Variants in ADARB1 observed in about 807,000 individuals in gnomAD.
The protein encoded by ADARB1 is double-stranded RNA-specific editase 1.
In ADARB1, 10 loss-of-function variants were observed where a neutral mutation model predicts 52.4. The observed-to-expected ratio is 0.19, with a 90% CI of 0.12 to 0.32. The LOEUF (loss-of-function observed/expected upper bound fraction) is 0.32. ADARB1 is among the 10% of genes least tolerant of loss of function. ADARB1 has a pLI of 1.00. For synonymous variants in ADARB1, 349 were observed against 371.1 expected (o/e 0.94, Z 0.68); for missense variants, 643 against 922.3 (o/e 0.70, Z 3.92).
chr21:45,197,415 G>A (rs894001527), intron 8 of ADARB1, among the ~76,000 whole-genome samples: 4 of 151,188 alleles, frequency 2.6e-5, no homozygotes, highest in South Asian at 2.1e-4. Flanking sequence ...CAGGAGTATC[G>A]CTTAAACCTG....
At chr21:45,088,911 G>A (rs970588429) in intron 1 of ADARB1, among the ~76,000 whole-genome samples, 3 of 152,126 alleles carry the variant, frequency 2.0e-5, no homozygotes, top group African/African-American at 4.8e-5. Flanking sequence ...AATGTCAGAC[G>A]CTCCAGTAGA....
rs2093027549 is a variant in ADARB1 at position 45,224,581 on chromosome 21, A to AGCTGGGTTCGGGGAGCCCTGGGTG, written c.*2385_*2386insCTGGGTTCGGGGAGCCCTGGGTGG. ...GAACTGGGTTCGGGGTGCCCTGGGC[A>AGCTGGGTTCGGGGAGCCCTGGGTG]GGGGGCTACTGGGGGGCGGCTGTGA... is the stretch of plus-strand genomic sequence containing the variant. On this transcript the variant is annotated 3_prime_UTR_variant, in exon 11 of 11. Transcript: ENST00000348831. 1 of 198,338 alleles carries AGCTGGGTTCGGGGAGCCCTGGGTG rather than the reference A, an allele frequency of 5.0e-6. No homozygotes were observed. Among genetic ancestry groups the AGCTGGGTTCGGGGAGCCCTGGGTG allele is most frequent in the Non-Finnish European group, 5.6e-6 (1 of 177,706 alleles). 12.3% of individuals were successfully genotyped at this position (198,338 alleles called of 1,614,324 possible).
chr21:45,153,656 G>A (rs1238937915), intron 2 of ADARB1, among the ~76,000 whole-genome samples: 3 of 152,208 alleles, frequency 2.0e-5, no homozygotes, highest in Non-Finnish European at 4.4e-5. Context: ...ATAGTACCTT[G>A]TAATATAACA....
chr21:45,100,452 C>G (rs2086951630), intron 1 of ADARB1: 1 of 152,274 alleles, frequency 6.6e-6, no homozygotes, highest in African/African-American at 2.4e-5. Flanking sequence ...CTTCCCAGCT[C>G]TACCCAGAAC....
intron 1 of ADARB1, among the ~76,000 whole-genome samples, chr21:45,119,258 T>C (rs989680915): frequency 6.6e-6 from 1 of 152,184 alleles, no homozygotes; most frequent in African/African-American, 2.4e-5. Flanking sequence ...GACTGATTAA[T>C]TTTTAAATTT....
intron 2 of ADARB1, among the ~76,000 whole-genome samples, chr21:45,160,211 A>T (rs1199303569): frequency 6.6e-6 from 1 of 152,178 alleles, no homozygotes; most frequent in Non-Finnish European, 1.5e-5. Context: ...TATCCAGTGG[A>T]CTCAGGGTGC....
At chr21:45,164,980 C>T (rs1389304601) in intron 2 of ADARB1, among the ~76,000 whole-genome samples, 1 of 152,156 alleles carries the variant, frequency 6.6e-6, no homozygotes, top group African/African-American at 2.4e-5. Flanking sequence ...CATTGGTACA[C>T]CTGCTGCCCG....
chr21:45,123,295 ATAAT>A (rs142977005), intron 1 of ADARB1, among the ~76,000 whole-genome samples: 186 of 118,266 alleles, frequency 1.6e-3, no homozygotes, highest in African/African-American at 5.8e-3. Context: ...GTGTGTGTGT[ATAAT>A]TAATTATAAT....
chr21:45,100,073 T>A (rs879450834), intron 1 of ADARB1, among the ~76,000 whole-genome samples: 1 of 152,228 alleles, frequency 6.6e-6, no homozygotes, highest in Non-Finnish European at 1.5e-5. Context: ...TCCAAAACTT[T>A]CCTTTTTCTC....
intron 8 of ADARB1, among the ~76,000 whole-genome samples, chr21:45,189,787 G>T (rs1282899629): frequency 3.3e-5 from 5 of 150,380 alleles, no homozygotes; most frequent in African/African-American, 1.2e-4. Context: ...CTCCTTTCTG[G>T]CTTGCAAGGT....
intron 1 of ADARB1, among the ~76,000 whole-genome samples, chr21:45,119,932 G>T (rs918575253): frequency 6.6e-6 from 1 of 152,228 alleles, no homozygotes; most frequent in Admixed American, 6.5e-5. Flanking sequence ...CATTGGTAAC[G>T]CACGAAATGC....
chr21:45,083,630 A>G (rs1217280556), intron 1 of ADARB1, among the ~76,000 whole-genome samples: 1 of 152,226 alleles, frequency 6.6e-6, no homozygotes, highest in Non-Finnish European at 1.5e-5. Context: ...AGGATTCAGG[A>G]AAAGGCAGCC....
rs1427147446 is a variant in ADARB1 at position 45,176,832 on chromosome 21, G to A, written c.963+168G>A. Among the ~76,000 whole-genome samples, 1 of 152,154 alleles carries A rather than the reference G, an allele frequency of 6.6e-6. No homozygotes were observed. The highest frequency in any genetic ancestry group is 1.5e-5 in the Non-Finnish European group (1 of 68,028). ...GGCTGCTTGATTTCCATGGCCATGTGGCCACTGAGAAGCCGTCTGCATCCT... is the reference window on the plus strand; with the variant it reads ...GGCTGCTTGATTTCCATGGCCATGTAGCCACTGAGAAGCCGTCTGCATCCT... On this transcript the variant is annotated intron_variant, in intron 4 of 10. Transcript: ENST00000348831. The surrounding 1 kb of genome is among the most constrained non-coding windows in gnomAD (Gnocchi z 5.8).
intron 1 of ADARB1, among the ~76,000 whole-genome samples, chr21:45,106,073 T>G (rs952626838): frequency 1.3e-5 from 2 of 152,236 alleles, no homozygotes; most frequent in African/African-American, 4.8e-5. Flanking sequence ...GACTGTTTGC[T>G]TCTCAACCTG....
chr21:45,121,138 G>C (rs116892425), intron 1 of ADARB1, among the ~76,000 whole-genome samples: 3,419 of 152,190 alleles, frequency 0.022, 51 homozygotes, highest in South Asian at 0.044. Context: ...AAACGAGTGG[G>C]GGATGTTCCC....
chr21:45,224,553 G>C lies in ADARB1; in HGVS notation c.*2356G>C. 1.0e-6 allele frequency: 1 copy of C among 995,498 alleles called. No individual in the cohort carries two copies. Among genetic ancestry groups the C allele is most frequent in the Non-Finnish European group, 1.2e-6 (1 of 822,572 alleles). The allele number at this position is 995,498 out of a possible 1,614,324, so 61.7% of individuals were successfully genotyped here. ...GAGCCCTGGGCGGGGCGGCTGTTGG[G>C]GGGAACTGGGTTCGGGGTGCCCTGG... On this transcript the variant is annotated 3_prime_UTR_variant, in exon 11 of 11. Transcript: ENST00000348831.
chr21:45,167,457 T>G (rs2091298029), intron 2 of ADARB1, among the ~76,000 whole-genome samples: 1 of 152,210 alleles, frequency 6.6e-6, no homozygotes, highest in Non-Finnish European at 1.5e-5. Context: ...ATTAATAAAC[T>G]TTTTATTTTG....
chr21:45,090,863 A>G (rs1006074150), intron 1 of ADARB1, among the ~76,000 whole-genome samples: 2 of 152,170 alleles, frequency 1.3e-5, no homozygotes, highest in African/African-American at 2.4e-5. Flanking sequence ...TGGCCACCTC[A>G]TTTGTAGATA....
rs1601757299 is a variant in ADARB1, at chr21:45,172,316, T to C, written c.28+632T>C. On this transcript the variant is annotated intron_variant, in intron 3 of 10. Coordinates refer to ENST00000348831, the MANE Select transcript of ADARB1 (RefSeq NM_001112.4). The surrounding 1 kb of genome is among the most constrained non-coding windows in gnomAD (Gnocchi z 4.4). Reference sequence around the variant, plus strand: ...TTCAGTCCCAGAAAACAGGTTTAGATGCTTCCACGGAAGTTGGGAGAGTTT... The same window carrying C: ...TTCAGTCCCAGAAAACAGGTTTAGACGCTTCCACGGAAGTTGGGAGAGTTT... Among the ~76,000 whole-genome samples, 2 of 152,156 alleles carry C rather than the reference T, an allele frequency of 1.3e-5. No individual in the cohort carries two copies. Among genetic ancestry groups the C allele is most frequent in the Admixed American group, 1.3e-4 (2 of 15,282 alleles).
Sources: gnomAD v4.1 joint callset for allele counts (sites outside exome capture counted in the v4.1 genomes callset) on GRCh38, gnomAD v4.1.1 for gene constraint, Gnocchi (gnomAD v3.1) non-coding constraint, MANE v1.5 for transcripts, NCBI Gene and HGNC (gene_info 2026-07-23, HGNC 2026-07-21) for gene names.